Variants in TBC1D4 observed in about 807,000 individuals in gnomAD.
TBC1D4 encodes TBC1 domain family member 4.
Under a neutral mutation model 142.5 loss-of-function variants are expected in TBC1D4, and 121 were observed. That is an observed-to-expected ratio of 0.85 (90% confidence interval 0.73 to 0.99). The LOEUF is 0.99. Ranked by LOEUF, TBC1D4 falls within the 50% of genes least tolerant of loss-of-function variation. The pLI, the probability that TBC1D4 is intolerant of heterozygous loss-of-function variation, is 0.00. For synonymous variants in TBC1D4, 630 were observed against 628.2 expected, an observed-to-expected ratio of 1.00 and a Z score of -0.04; for missense variants, 1,475 against 1,606.6, an observed-to-expected ratio of 0.92 and a Z score of 1.40.
intron 12 of TBC1D4, among the ~76,000 whole-genome samples, chr13:75,314,554 A>T (rs1878092345): frequency 6.6e-6 from 1 of 152,244 alleles, no homozygotes; most frequent in South Asian, 2.1e-4. Flanking sequence ...AGTAAGTATT[A>T]TGACGTGATA....
intron 4 of TBC1D4, among the ~76,000 whole-genome samples, chr13:75,351,712 T>C (rs111995753): frequency 0.023 from 3,485 of 152,216 alleles, 80 homozygotes; most frequent in South Asian, 0.11. Flanking sequence ...AGAATGATGG[T>C]TTCCAGTTTC....
intron 18 of TBC1D4, 130 bp from the exon 19 acceptor site, chr13:75,292,401 C>CT (rs1341541599): frequency 1.4e-6 from 1 of 720,194 alleles, no homozygotes; most frequent in Non-Finnish European, 2.2e-6. Context: ...TCAAAAGCAT[C>CT]TAGCTTTTTT....
At chr13:75,420,584 A>T (rs148586528) in intron 1 of TBC1D4, among the ~76,000 whole-genome samples, 1 of 152,232 alleles carries the variant, frequency 6.6e-6, no homozygotes. Context: ...TGGAATGCAG[A>T]TATTTCTACT....
intron 4 of TBC1D4, 76 bp from the exon 5 acceptor site, chr13:75,349,378 G>A (rs1881422761): frequency 6.3e-7 from 1 of 1,577,564 alleles, no homozygotes. Context: ...AGCAATGTGA[G>A]CCTTTGTTGA....
chr13:75,306,306 C>T lies in TBC1D4; in HGVS notation c.2752+7G>A. The T allele has an allele frequency of 6.2e-7, 1 of 1,605,440 alleles. No individual in the cohort carries two copies. The highest frequency in any genetic ancestry group is 8.5e-7 in the Non-Finnish European group (1 of 1,177,656). ...AAAACAAAAATTACTGAGATTATCC[C>T]AAATACCTTCTTTAAGAAGAGTATG... is the stretch of plus-strand genomic sequence containing the variant. On this transcript the variant is annotated splice_region_variant and intron_variant, in intron 15 of 20. Transcript: ENST00000377636.
chr13:75,474,796 C>T (rs1888568142), intron 1 of TBC1D4, among the ~76,000 whole-genome samples: 1 of 152,016 alleles, frequency 6.6e-6, no homozygotes, highest in Admixed American at 6.6e-5. Flanking sequence ...GCCACCATAC[C>T]TGGCTAATTT....
chr13:75,310,536 A>G (rs1195801210), intron 13 of TBC1D4, among the ~76,000 whole-genome samples: 3 of 152,180 alleles, frequency 2.0e-5, no homozygotes, highest in Admixed American at 2.0e-4. Context: ...GTCTACATCG[A>G]TCATCAGAAT....
At chr13:75,393,635 T>C (rs1036550712) in intron 1 of TBC1D4, among the ~76,000 whole-genome samples, 1 of 152,082 alleles carries the variant, frequency 6.6e-6, no homozygotes, top group Non-Finnish European at 1.5e-5. Context: ...TTTTAAATGA[T>C]ATAAAAAAAT....
At chr13:75,310,290 A>G in intron 13 of TBC1D4, 139 bp from the exon 14 acceptor site, 1 of 849,504 alleles carries the variant, frequency 1.2e-6, no homozygotes, top group Non-Finnish European at 1.9e-6. Flanking sequence ...TAGTTTCTGC[A>G]GCTAATATTT....
At chr13:75,426,111 T>G (rs2138140237) in intron 1 of TBC1D4, among the ~76,000 whole-genome samples, 1 of 152,226 alleles carries the variant, frequency 6.6e-6, no homozygotes, top group East Asian at 1.9e-4. Context: ...GAAATAAAAT[T>G]TTTAATGGGA....
At chr13:75,447,817 G>A (rs1026867697) in intron 1 of TBC1D4, among the ~76,000 whole-genome samples, 7 of 152,068 alleles carry the variant, frequency 4.6e-5, no homozygotes, top group South Asian at 4.2e-4. Flanking sequence ...TGCATGTGAC[G>A]GATCTAAGTT....
At chr13:75,402,698 G>C (rs1393266434) in intron 1 of TBC1D4, among the ~76,000 whole-genome samples, 3 of 93,908 alleles carry the variant, frequency 3.2e-5, no homozygotes, top group Non-Finnish European at 4.9e-5. Flanking sequence ...CACACACACA[G>C]TATCATGCAT....
At position 75,481,608 on chromosome 13, in the gene TBC1D4, T is replaced by C. The variant is rs775845720; in HGVS notation, c.160A>G (p.Met54Val). ...SCLDHRTTLP[M>V]LPWLMAEIRR... ...ATCTCGGCCATGAGCCAGGGCAGCA[T>C]AGGCAGCGTGGTCCTGTGGTCCAGG... Residue 54 changes from methionine (M) to valine (V), a missense_variant, in exon 1 of 21, where the codon ATG (methionine) becomes GTG (valine). Coordinates refer to ENST00000377636, the MANE Select transcript of TBC1D4 (RefSeq NM_014832.5). The C allele has an allele frequency of 3.7e-6, 6 of 1,608,482 alleles. No individual in the cohort carries two copies. Among genetic ancestry groups the C allele is most frequent in the South Asian group, 3.3e-5 (3 of 90,558 alleles).
Position 75,303,385 on chromosome 13 carries a change from C to T in TBC1D4, c.2753-984G>A, listed in dbSNP as rs79087436. Among the ~76,000 whole-genome samples, 751 of 152,140 alleles carry T rather than the reference C, an allele frequency of 4.9e-3. 47 individuals carry two copies. The East Asian group carries it at 0.12, about 23-fold the overall frequency. Reference sequence around the variant, plus strand: ...AACTGATATGCTCCAGAACAACATTCGGGCTTTGAAAAGAAAATGCTTAGC... The same window carrying T: ...AACTGATATGCTCCAGAACAACATTTGGGCTTTGAAAAGAAAATGCTTAGC... On this transcript the variant is annotated intron_variant, in intron 15 of 20. Transcript: ENST00000377636.
chr13:75,402,751 T>C (rs1426818753), intron 1 of TBC1D4, among the ~76,000 whole-genome samples: 1 of 152,028 alleles, frequency 6.6e-6, no homozygotes, highest in Non-Finnish European at 1.5e-5. Flanking sequence ...TGTATAAATA[T>C]TTTAATTCAG....
In TBC1D4 at chr13:75,326,246, G is replaced by A. The variant is rs1239672381; in HGVS notation, c.1984C>T (p.Gln662Ter). ...RKLNLQDGRA[Q>*]GVRSPLLRQS... is the part of the protein sequence containing the mutation. Reference sequence around the variant, plus strand: ...CTCAGCAGAGGGGAACGCACACCCTGAGCCCTCCCATCCTGCAAATTCAGC... The same window carrying A: ...CTCAGCAGAGGGGAACGCACACCCTAAGCCCTCCCATCCTGCAAATTCAGC... The change falls in exon 10 of 21, where the codon CAG becomes TAG. Residue 662 changes from glutamine to a stop codon, truncating the protein, a stop_gained. Coordinates refer to ENST00000377636, the MANE Select transcript of TBC1D4 (RefSeq NM_014832.5). LOFTEE classifies it high-confidence loss of function. 4 of 1,614,028 alleles carry A rather than the reference G, an allele frequency of 2.5e-6. No individual in the cohort carries two copies. Among genetic ancestry groups the A allele is most frequent in the South Asian group, 1.1e-5 (1 of 91,084 alleles).
intron 18 of TBC1D4, 26 bp downstream of exon 18, chr13:75,294,828 T>C (rs1437343612): frequency 1.9e-6 from 3 of 1,609,012 alleles, no homozygotes; most frequent in South Asian, 1.1e-5. Context: ...ATAATACTGT[T>C]CCATTTAATT....
In TBC1D4 at chr13:75,315,429, T is replaced by TATATATATATACAA. The variant is rs60926673; in HGVS notation, c.2223-2532_2223-2531insTTGTATATATATAT. 1.3e-3 allele frequency among the ~76,000 whole-genome samples: 183 copies of TATATATATATACAA among 146,304 alleles called. 3 individuals carry two copies. Among genetic ancestry groups the TATATATATATACAA allele is most frequent in the Admixed American group, 0.01 (146 of 14,578 alleles). ...ATATATATATATATACACACACATA[T>TATATATATATACAA]ATATATATATATTTGCTTTTACTTG... is the stretch of plus-strand genomic sequence containing the variant. On this transcript the variant is annotated intron_variant, in intron 12 of 20. Coordinates refer to ENST00000377636, the MANE Select transcript of TBC1D4 (RefSeq NM_014832.5).
At chr13:75,313,970 C>T (rs1878038196) in intron 12 of TBC1D4, among the ~76,000 whole-genome samples, 1 of 152,148 alleles carries the variant, frequency 6.6e-6, no homozygotes, top group South Asian at 2.1e-4. Flanking sequence ...AATCACCTCC[C>T]TCAATTTTTG....
Sources: allele counts gnomAD v4.1 joint callset (sites outside exome capture counted in the v4.1 genomes callset), GRCh38; gene constraint gnomAD v4.1.1; transcripts MANE v1.5; gene names NCBI Gene and HGNC (gene_info 2026-07-23, HGNC 2026-07-21).